The following SYNPR variants were observed in gnomAD, a reference collection of about 807,000 sequenced individuals.
The protein encoded by SYNPR is synaptoporin.
A neutral mutation model predicts 32.9 loss-of-function variants in SYNPR; 23 were observed. The observed-to-expected ratio is 0.70, with a 90% confidence interval of 0.50 to 0.99. The LOEUF (loss-of-function observed/expected upper bound fraction) is 0.99. SYNPR is among the 50% of genes least tolerant of loss of function. The pLI is 0.00. For missense variants in SYNPR, 318 were observed against 349.3 expected, an observed-to-expected ratio of 0.91 and a Z score of 0.71; for synonymous variants, 146 against 135.9, an observed-to-expected ratio of 1.07 and a Z score of -0.52.
intron 2 of SYNPR, among the ~76,000 whole-genome samples, chr3:63,371,557 T>C (rs1282419073): frequency 2.6e-5 from 4 of 152,216 alleles, no homozygotes; most frequent in Non-Finnish European, 5.9e-5. Flanking sequence ...CAGAGGGAGA[T>C]GCAAGCCACT....
intron 2 of SYNPR, among the ~76,000 whole-genome samples, chr3:63,347,653 C>T (rs560291957): frequency 7.4e-4 from 113 of 152,240 alleles, no homozygotes; most frequent in African/African-American, 2.6e-3. Flanking sequence ...TTCCAAGTCT[C>T]CAAAGTCTGT....
chr3:63,464,705 C>T (rs1198277721), intron 2 of SYNPR, among the ~76,000 whole-genome samples: 1 of 152,158 alleles, frequency 6.6e-6, no homozygotes. Context: ...TTTCCCACAT[C>T]TTCCAGTTTT....
chr3:63,373,808 A>T (rs1444549724), intron 2 of SYNPR, among the ~76,000 whole-genome samples: 3 of 152,210 alleles, frequency 2.0e-5, no homozygotes, highest in Admixed American at 6.5e-5. Flanking sequence ...GAAAGAAAAA[A>T]AAATGTTAAA....
At chr3:63,287,269 T>C (rs1469170975) in intron 2 of SYNPR, among the ~76,000 whole-genome samples, 1 of 152,172 alleles carries the variant, frequency 6.6e-6, no homozygotes, top group African/African-American at 2.4e-5. Context: ...TGGTGACGGT[T>C]TCTTGCTGTT....
intron 5 of SYNPR, among the ~76,000 whole-genome samples, chr3:63,612,272 T>C (rs1407309345): frequency 2.6e-5 from 4 of 152,202 alleles, no homozygotes; most frequent in South Asian, 4.1e-4. Flanking sequence ...AAATGGTCAA[T>C]ACATGTCAAC....
rs188558579 is a variant in SYNPR at position 63,334,472 on chromosome 3, T to C, written c.84+55730T>C. 7.9e-5 allele frequency among the ~76,000 whole-genome samples: 12 copies of C among 152,248 alleles called. No individual in the cohort carries two copies. In the East Asian group the frequency reaches 1.9e-3, roughly 25 times the overall value. On this transcript the variant is annotated intron_variant, in intron 2 of 5. Transcript: ENST00000478300. ...CATTATTGTCTTTCATCAGCCCTTC[T>C]GTTGAAGTTCAGCCTAAAATTTCCA...
chr3:63,589,008 T>C (rs1703254276), intron 4 of SYNPR, among the ~76,000 whole-genome samples: 1 of 152,096 alleles, frequency 6.6e-6, no homozygotes, highest in African/African-American at 2.4e-5. Context: ...CAAGGAGTCT[T>C]TGGTCCTGGC....
the SYNPR span, among the ~76,000 whole-genome samples, chr3:63,223,063 G>A: frequency 6.6e-6 from 1 of 152,072 alleles, no homozygotes; most frequent in Non-Finnish European, 1.5e-5. Flanking sequence ...TCAGCACATG[G>A]GCTCCACGCT....
chr3:63,261,009 C>A (rs2086432788), intron 2 of SYNPR, among the ~76,000 whole-genome samples: 1 of 152,252 alleles, frequency 6.6e-6, no homozygotes, highest in Admixed American at 6.5e-5. Flanking sequence ...ATCAAAACCA[C>A]AATGAGATAC....
intron 3 of SYNPR, among the ~76,000 whole-genome samples, chr3:63,519,637 G>A (rs1441358768): frequency 2.0e-5 from 3 of 152,184 alleles, no homozygotes; most frequent in Non-Finnish European, 4.4e-5. Context: ...ACACTTGACA[G>A]ATTATTTCCC....
intron 4 of SYNPR, among the ~76,000 whole-genome samples, chr3:63,582,176 A>G (rs930818362): frequency 1.3e-5 from 2 of 152,118 alleles, no homozygotes; most frequent in Non-Finnish European, 2.9e-5. Context: ...AAAAGATCAA[A>G]AACTGGAATA....
intron 2 of SYNPR, among the ~76,000 whole-genome samples, chr3:63,419,525 C>T (rs1173331573): frequency 1.3e-5 from 2 of 152,106 alleles, no homozygotes; most frequent in African/African-American, 2.4e-5. Flanking sequence ...GTTTGTCCCA[C>T]AAAATATAAA....
intron 2 of SYNPR, among the ~76,000 whole-genome samples, chr3:63,442,206 A>AAG (rs10628818): frequency 0.23 from 32,287 of 142,220 alleles, 3,703 homozygotes; most frequent in South Asian, 0.41. Flanking sequence ...AAAGAGAGAG[A>AAG]GAGAAGGAGA....
chr3:63,609,514 G>A (rs1055698494), intron 5 of SYNPR, among the ~76,000 whole-genome samples, 198 bp downstream of exon 5: 4 of 152,166 alleles, frequency 2.6e-5, no homozygotes, highest in Admixed American at 2.6e-4. Flanking sequence ...CATTTGTAAT[G>A]TTGCCGATTA....
At chr3:63,443,499 T>C (rs1455797723) in intron 2 of SYNPR, 2 of 1,600,294 alleles carry the variant, frequency 1.2e-6, no homozygotes, top group Admixed American at 3.4e-5. Flanking sequence ...GATTTACAGC[T>C]GGCTGTGGGG....
chr3:63,307,008 T>C (rs1036567700), intron 2 of SYNPR, among the ~76,000 whole-genome samples: 2 of 152,082 alleles, frequency 1.3e-5, no homozygotes, highest in Non-Finnish European at 2.9e-5. Context: ...ACTTGGTCTG[T>C]GCTAGGCACT....
At chr3:63,279,226 C>T (rs2086605810) in intron 2 of SYNPR, among the ~76,000 whole-genome samples, 1 of 152,112 alleles carries the variant, frequency 6.6e-6, no homozygotes, top group African/African-American at 2.4e-5. Context: ...GCTGGAAGCG[C>T]GTGTTCAACT....
At chr3:63,552,721 T>C (rs1038515438) in intron 3 of SYNPR, among the ~76,000 whole-genome samples, 4 of 152,174 alleles carry the variant, frequency 2.6e-5, no homozygotes, top group African/African-American at 9.7e-5. Flanking sequence ...ATATATATCC[T>C]AGTTAATGTC....
chr3:63,448,256 G>A (rs548568285), intron 2 of SYNPR, among the ~76,000 whole-genome samples: 1 of 152,034 alleles, frequency 6.6e-6, no homozygotes, highest in African/African-American at 2.4e-5. Flanking sequence ...CTCCTGCCTC[G>A]GTCTCCCAAA....
Sources: gnomAD v4.1 joint callset for allele counts (sites outside exome capture counted in the v4.1 genomes callset) on GRCh38, gnomAD v4.1.1 for gene constraint, MANE v1.5 for transcripts, NCBI Gene and HGNC (gene_info 2026-07-23, HGNC 2026-07-21) for gene names.